MAP2K2: variants seen among roughly 807,000 people sequenced by gnomAD.
The protein encoded by MAP2K2 is dual specificity mitogen-activated protein kinase kinase 2.
A neutral mutation model predicts 43.7 loss-of-function variants in MAP2K2; 24 were observed. The ratio of observed to expected loss-of-function variants is 0.55; its 90% CI spans 0.40 to 0.77. The LOEUF is 0.77. MAP2K2 is among the 30% of genes least tolerant of loss of function. The pLI is 0.00. For missense variants in MAP2K2, 470 were observed against 566.8 expected (o/e 0.83, Z 1.73); for synonymous variants, 244 against 239.7 (o/e 1.02, Z -0.17).
chr19:4,104,599 G>A (rs1196001274), intron 3 of MAP2K2: 1 of 152,340 alleles, frequency 6.6e-6, no homozygotes, highest in East Asian at 1.9e-4. Context: ...AAGAGGCAGG[G>A]TGGCGAAAAC....
At chr19:4,103,675 G>A (rs1455510445) in intron 3 of MAP2K2, among the ~76,000 whole-genome samples, 1 of 152,212 alleles carries the variant, frequency 6.6e-6, no homozygotes, top group African/African-American at 2.4e-5. Context: ...TGGGACTCAG[G>A]GGTGCCCGGG....
chr19:4,092,013 G>C (rs546982001), intron 10 of MAP2K2, among the ~76,000 whole-genome samples: 1 of 152,240 alleles, frequency 6.6e-6, no homozygotes, highest in Admixed American at 6.5e-5. Flanking sequence ...CACAACATGA[G>C]AAGCCTCTTG....
At chr19:4,096,134 G>A (rs1408125757) in intron 8 of MAP2K2, among the ~76,000 whole-genome samples, 8 of 152,222 alleles carry the variant, frequency 5.3e-5, no homozygotes, top group Non-Finnish European at 1.0e-4. Context: ...ACACGTCCCC[G>A]GAGCGGGAGT....
intron 3 of MAP2K2, among the ~76,000 whole-genome samples, chr19:4,108,207 A>C (rs775246992): frequency 3.9e-5 from 6 of 152,142 alleles, no homozygotes; most frequent in Non-Finnish European, 7.4e-5. Flanking sequence ...GGCTCACCCA[A>C]TGCTTTAAAA....
intron 6 of MAP2K2, chr19:4,099,811 G>C (rs1337046948): frequency 1.4e-5 from 4 of 294,698 alleles, no homozygotes; most frequent in Non-Finnish European, 2.6e-5. Context: ...CCAATTCCTT[G>C]GTCCAGAAAT....
intron 1 of MAP2K2, among the ~76,000 whole-genome samples, chr19:4,119,205 T>C (rs1331341982): frequency 6.6e-6 from 1 of 152,122 alleles, no homozygotes; most frequent in Non-Finnish European, 1.5e-5. Context: ...TGGCTCTTTT[T>C]AATTAATTAA....
chr19:4,097,442 C>T, intron 7 of MAP2K2, 99 bp from the exon 8 acceptor site: 1 of 847,734 alleles, frequency 1.2e-6, no homozygotes, highest in Non-Finnish European at 2.0e-6. Flanking sequence ...AGGCGCCCTC[C>T]TCCACATGCC....
chr19:4,102,253 C>G (rs1274160821), intron 4 of MAP2K2, 123 bp downstream of exon 4: 6 of 847,954 alleles, frequency 7.1e-6, no homozygotes, highest in Admixed American at 6.0e-5. Flanking sequence ...CTTGGCCACT[C>G]TCTTTCTGCA....
intron 4 of MAP2K2, among the ~76,000 whole-genome samples, chr19:4,102,067 C>T (rs1455727199): frequency 6.6e-6 from 1 of 152,152 alleles, no homozygotes; most frequent in Non-Finnish European, 1.5e-5. Context: ...GCTCCTGTCC[C>T]CTGCAACGTG....
At chr19:4,108,872 CAT>C (rs1019690290) in intron 3 of MAP2K2, among the ~76,000 whole-genome samples, 7 of 152,156 alleles carry the variant, frequency 4.6e-5, no homozygotes, top group Non-Finnish European at 5.9e-5. Flanking sequence ...GGGAGCACCA[CAT>C]GACAGAGGGG....
intron 7 of MAP2K2, among the ~76,000 whole-genome samples, chr19:4,097,845 C>T (rs546301330): frequency 6.6e-6 from 1 of 152,242 alleles, no homozygotes; most frequent in Non-Finnish European, 1.5e-5. Flanking sequence ...CTTTCGCCTT[C>T]TGCCCGTCCT....
chr19:4,113,613 G>A lies in MAP2K2; in HGVS notation c.304-2958C>T, dbSNP rs183999465. ...GCTGCCTCGGGGAACACTGGAGCCC[G>A]TATTCTTTCCAGGACACCACAGCCC... On this transcript the variant is annotated intron_variant, in intron 2 of 10. Transcript: ENST00000262948. Among the ~76,000 whole-genome samples the A allele has an allele frequency of 1.4e-4, 21 of 152,326 alleles. No individual in the cohort carries two copies. The East Asian group carries it at 3.3e-3, about 24-fold the overall frequency.
chr19:4,105,201 T>TGA (rs1226825740), intron 3 of MAP2K2, among the ~76,000 whole-genome samples: 1 of 129,894 alleles, frequency 7.7e-6, no homozygotes, highest in Non-Finnish European at 1.7e-5. Flanking sequence ...TGTGTGTGTG[T>TGA]GTGATGTTTA....
chr19:4,118,508 G>C (rs62132105), intron 1 of MAP2K2, among the ~76,000 whole-genome samples: 1,949 of 152,252 alleles, frequency 0.013, 39 homozygotes, highest in African/African-American at 0.045. Context: ...GAACCCGGGA[G>C]GGGGAGATTG....
intron 4 of MAP2K2, 104 bp downstream of exon 4, chr19:4,102,272 C>T (rs923270305): frequency 1.7e-5 from 17 of 1,017,912 alleles, no homozygotes; most frequent in Non-Finnish European, 2.4e-5. Flanking sequence ...CAGGGGCCAC[C>T]CTAACCCCCA....
At chr19:4,123,169 C>T (rs2041322767) in intron 1 of MAP2K2, among the ~76,000 whole-genome samples, 1 of 151,774 alleles carries the variant, frequency 6.6e-6, no homozygotes. Context: ...ACTGTGTTCT[C>T]TCCTCTTAGA....
chr19:4,112,354 T>A (rs1173549430), intron 2 of MAP2K2, among the ~76,000 whole-genome samples: 2 of 152,160 alleles, frequency 1.3e-5, no homozygotes, highest in East Asian at 3.9e-4. Context: ...GAGGTGACAC[T>A]GGGGCCGGGC....
chr19:4,118,934 G>A (rs1394357016), intron 1 of MAP2K2, among the ~76,000 whole-genome samples: 2 of 152,206 alleles, frequency 1.3e-5, no homozygotes, highest in Non-Finnish European at 2.9e-5. Context: ...ACAACTAAGC[G>A]CAATGCACAC....
intron 2 of MAP2K2, among the ~76,000 whole-genome samples, chr19:4,111,990 C>CAAA (rs202088459): frequency 6.6e-6 from 1 of 151,852 alleles, no homozygotes; most frequent in African/African-American, 2.4e-5. Flanking sequence ...ACAACAACAA[C>CAAA]AACAACAAAA....
Sources: gnomAD v4.1 joint callset for allele counts (sites outside exome capture counted in the v4.1 genomes callset) on GRCh38, gnomAD v4.1.1 for gene constraint, MANE v1.5 for transcripts, NCBI Gene and HGNC (gene_info 2026-07-23, HGNC 2026-07-21) for gene names.